Variants in RIMBP2 observed in about 807,000 individuals in gnomAD.
RIMBP2 encodes the protein RIMS binding protein 2, also known as RIMS-binding protein 2.
RIMBP2 carries 48 observed loss-of-function variants against 118.6 expected under a neutral mutation model. The observed-to-expected ratio is 0.40, with a 90% CI of 0.32 to 0.51. RIMBP2 has a LOEUF of 0.51. RIMBP2 is among the 20% of genes least tolerant of loss of function. The probability of loss-of-function intolerance (pLI) is 0.41; values close to 1 mark genes in which losing one functional copy is unlikely to be tolerated. For synonymous variants in RIMBP2, 762 were observed against 742.9 expected, an observed-to-expected ratio of 1.03 and a Z score of -0.42; for missense variants, 1,551 against 1,768.3, an observed-to-expected ratio of 0.88 and a Z score of 2.20.
At chr12:130,651,355 G>C (rs1372270840) in intron 1 of RIMBP2, 1 of 152,330 alleles carries the variant, frequency 6.6e-6, no homozygotes, top group East Asian at 1.9e-4. Context: ...GACATAGATG[G>C]CAGGGCGATG....
At position 130,434,726 on chromosome 12, in the gene RIMBP2, G is replaced by A. The variant is rs533718868; in HGVS notation, c.2253+8C>T. 29 of 1,611,012 alleles carry A rather than the reference G, an allele frequency of 1.8e-5. No individual in the cohort carries two copies. The highest frequency in any genetic ancestry group is 1.6e-4 in the African/African-American group (12 of 74,956). ...AGGAGGATGGTGTGGGGCCCGGCCCGCTCTCACCTGCTTGCCAAGTTCAGA... is the reference window on the plus strand; with the variant it reads ...AGGAGGATGGTGTGGGGCCCGGCCCACTCTCACCTGCTTGCCAAGTTCAGA... On this transcript the variant is annotated splice_region_variant and intron_variant, in intron 14 of 22. Transcript: ENST00000690449. The surrounding 1 kb of genome is among the most constrained non-coding windows in gnomAD (Gnocchi z 5.7).
chr12:130,486,364 G>C (rs2082475401), intron 4 of RIMBP2, among the ~76,000 whole-genome samples: 1 of 152,082 alleles, frequency 6.6e-6, no homozygotes, highest in Non-Finnish European at 1.5e-5. Flanking sequence ...CTAAATCCTG[G>C]AGGGGCCACG....
chr12:130,443,087 A>C (rs951141775), intron 10 of RIMBP2, among the ~76,000 whole-genome samples: 3 of 152,204 alleles, frequency 2.0e-5, no homozygotes, highest in Non-Finnish European at 4.4e-5. Context: ...TTTGGAGATT[A>C]AGAAAATAAA....
intron 17 of RIMBP2, among the ~76,000 whole-genome samples, chr12:130,415,266 T>A (rs11060874): frequency 6.6e-6 from 1 of 152,270 alleles, no homozygotes; most frequent in Non-Finnish European, 1.5e-5. Context: ...TCAATAAATA[T>A]GATTCACCAC....
chr12:130,583,415 TCATC>T (rs2058603627), intron 2 of RIMBP2, among the ~76,000 whole-genome samples: 1 of 143,110 alleles, frequency 7.0e-6, no homozygotes, highest in Non-Finnish European at 1.6e-5. Context: ...CATTACATCA[TCATC>T]ATCATCACCT....
intron 1 of RIMBP2, among the ~76,000 whole-genome samples, chr12:130,641,349 G>T (rs1287098909): frequency 2.1e-5 from 3 of 145,946 alleles, no homozygotes; most frequent in African/African-American, 7.7e-5. Context: ...GATGGTGACT[G>T]CCGGACACTC....
intron 3 of RIMBP2, among the ~76,000 whole-genome samples, chr12:130,516,776 C>A (rs551049093): frequency 6.6e-6 from 1 of 152,058 alleles, no homozygotes; most frequent in Non-Finnish European, 1.5e-5. Context: ...CAGGGAGAAG[C>A]CTCAGTTTTA....
At chr12:130,543,472 G>GA (rs1354680789) in intron 2 of RIMBP2, among the ~76,000 whole-genome samples, 1 of 152,182 alleles carries the variant, frequency 6.6e-6, no homozygotes, top group Admixed American at 6.5e-5. Context: ...TATTGCTGCA[G>GA]AAAAACTCAG....
At chr12:130,454,514 AG>A (rs1323184677) in intron 7 of RIMBP2, among the ~76,000 whole-genome samples, 1 of 126,468 alleles carries the variant, frequency 7.9e-6, no homozygotes, top group Non-Finnish European at 1.9e-5. Context: ...GGGCAATGCC[AG>A]GGGATATGGG....
Position 130,513,630 on chromosome 12 carries a change from C to T in RIMBP2, c.-127+4198G>A, listed in dbSNP as rs1442359948. ...TCAAAGGCATCAAGCATATTCTTTG[C>T]ACTATGTCTTGGATCCCAGCTCATC... is the stretch of plus-strand genomic sequence containing the variant. On this transcript the variant is annotated intron_variant, in intron 3 of 22. Coordinates refer to ENST00000690449, the MANE Select transcript of RIMBP2 (RefSeq NM_001393629.1). Among the ~76,000 whole-genome samples, 4 of 152,170 alleles carry T rather than the reference C, an allele frequency of 2.6e-5. No homozygotes were observed. In the East Asian group the frequency reaches 7.7e-4, roughly 29 times the overall value.
chr12:130,553,306 C>T (rs2056014086), intron 2 of RIMBP2, among the ~76,000 whole-genome samples: 1 of 152,114 alleles, frequency 6.6e-6, no homozygotes, highest in Non-Finnish European at 1.5e-5. Flanking sequence ...ACAATTAACA[C>T]CTATCAAATG....
rs2061325850 is a variant in RIMBP2, at chr12:130,621,737, G to A, written c.-217+6585C>T. On this transcript the variant is annotated intron_variant, in intron 2 of 22. Transcript: ENST00000690449. The surrounding 1 kb of genome is among the most constrained non-coding windows in gnomAD (Gnocchi z 6.6). ...TGAAATGGATGATACCGAGACCTGGGTACCATAGCTGGAAGTGTGACTATT... is the reference window on the plus strand; with the variant it reads ...TGAAATGGATGATACCGAGACCTGGATACCATAGCTGGAAGTGTGACTATT... Among the ~76,000 whole-genome samples the A allele has an allele frequency of 6.6e-6, 1 of 152,178 alleles. No homozygotes were observed.
chr12:130,458,998 C>T (rs961089151), intron 6 of RIMBP2, among the ~76,000 whole-genome samples: 2 of 148,396 alleles, frequency 1.3e-5, no homozygotes, highest in African/African-American at 2.5e-5. Context: ...GAGCTGAGAT[C>T]GAGCCTCTGC....
intron 2 of RIMBP2, among the ~76,000 whole-genome samples, chr12:130,601,185 A>G (rs2059855025): frequency 6.6e-6 from 1 of 152,126 alleles, no homozygotes; most frequent in Non-Finnish European, 1.5e-5. Context: ...AACCAACCAG[A>G]AGGACGACCA....
intron 1 of RIMBP2, among the ~76,000 whole-genome samples, chr12:130,632,821 C>T (rs1365322759): frequency 5.3e-5 from 8 of 152,156 alleles, no homozygotes; most frequent in Non-Finnish European, 1.5e-5. Flanking sequence ...GCTTGAAGAC[C>T]ACTTTACACA....
intron 4 of RIMBP2, 86 bp from the exon 5 acceptor site, chr12:130,479,102 A>C: frequency 9.0e-7 from 1 of 1,107,664 alleles, no homozygotes; most frequent in South Asian, 1.6e-5. Flanking sequence ...GCTGGCTCTG[A>C]CTCAGCCCGG....
intron 2 of RIMBP2, among the ~76,000 whole-genome samples, chr12:130,540,367 G>A (rs917516052): frequency 1.3e-5 from 2 of 152,176 alleles, no homozygotes; most frequent in East Asian, 3.8e-4. Context: ...AAGGAGGTGA[G>A]CAGGGACCAG....
chr12:130,457,135 C>T (rs534825116), intron 6 of RIMBP2, among the ~76,000 whole-genome samples: 3 of 152,174 alleles, frequency 2.0e-5, no homozygotes, highest in Non-Finnish European at 2.9e-5. Context: ...GGCTGTGATG[C>T]GGCCCAGACT....
intron 2 of RIMBP2, among the ~76,000 whole-genome samples, chr12:130,557,745 T>C (rs897418946): frequency 6.6e-6 from 1 of 152,234 alleles, no homozygotes; most frequent in Non-Finnish European, 1.5e-5. Flanking sequence ...GGAGATTGAT[T>C]TTTAAAAACA....
Sources: gnomAD v4.1 joint callset for allele counts (sites outside exome capture counted in the v4.1 genomes callset) on GRCh38, gnomAD v4.1.1 for gene constraint, Gnocchi (gnomAD v3.1) non-coding constraint, MANE v1.5 for transcripts, NCBI Gene and HGNC (gene_info 2026-07-23, HGNC 2026-07-21) for gene names.